The following ANK2 variants were observed in gnomAD, a reference collection of about 807,000 sequenced individuals.
The protein encoded by ANK2 is ankyrin-2.
In ANK2, 83 loss-of-function variants were observed where a neutral mutation model predicts 360.5. The observed-to-expected ratio is 0.23, with a 90% CI of 0.19 to 0.28. The LOEUF (loss-of-function observed/expected upper bound fraction) is 0.28, where lower values mean the gene tolerates loss of function less well. Among genes scored for constraint, ANK2 ranks in the 10% least tolerant of loss-of-function variants. The pLI is 1.00. For synonymous variants in ANK2, 1,740 were observed against 1,759.5 expected (o/e 0.99, Z 0.28); for missense variants, 4,201 against 4,795.7 (o/e 0.88, Z 3.66).
At chr4:112,818,923 A>G (rs901406889) in intron 1 of ANK2, among the ~76,000 whole-genome samples, 5 of 152,180 alleles carry the variant, frequency 3.3e-5, no homozygotes, top group Non-Finnish European at 7.3e-5. Context: ...TCCTGCATCG[A>G]AAGCCCAATT....
intron 1 of ANK2, among the ~76,000 whole-genome samples, chr4:112,885,392 G>A (rs1376117577): frequency 2.6e-5 from 4 of 151,950 alleles, no homozygotes; most frequent in South Asian, 4.2e-4. Flanking sequence ...CCAGTTACTC[G>A]GGAGGCTGAG....
chr4:113,123,602 G>T (rs2095497002), intron 1 of ANK2, among the ~76,000 whole-genome samples: 1 of 152,098 alleles, frequency 6.6e-6, no homozygotes, highest in Non-Finnish European at 1.5e-5. Context: ...TGACCCTTTT[G>T]CTCCAAAGGT....
chr4:113,246,316 A>G (rs2042854602), intron 9 of ANK2, among the ~76,000 whole-genome samples: 1 of 152,146 alleles, frequency 6.6e-6, no homozygotes, highest in South Asian at 2.1e-4. Context: ...AGAAACAAAT[A>G]TTACCCACAG....
At chr4:112,888,907 C>T (rs1007433803) in intron 1 of ANK2, among the ~76,000 whole-genome samples, 24 of 152,074 alleles carry the variant, frequency 1.6e-4, no homozygotes, top group African/African-American at 2.2e-4. Flanking sequence ...AATGCTGACC[C>T]GAGTACACAG....
At chr4:112,839,510 A>G (rs1282875935) in intron 1 of ANK2, among the ~76,000 whole-genome samples, 1 of 152,228 alleles carries the variant, frequency 6.6e-6, no homozygotes, top group Non-Finnish European at 1.5e-5. Flanking sequence ...AGTAGATGAT[A>G]CCAAATATTT....
At chr4:112,968,763 G>A (rs950165880) in intron 2 of ANK2, among the ~76,000 whole-genome samples, 1 of 152,072 alleles carries the variant, frequency 6.6e-6, no homozygotes, top group South Asian at 2.1e-4. Flanking sequence ...ACTTAGCATA[G>A]GGTTAAATCA....
At chr4:113,339,153 C>T in intron 31 of ANK2, 73 bp from the exon 32 acceptor site, 5 of 1,309,218 alleles carry the variant, frequency 3.8e-6, no homozygotes, top group Non-Finnish European at 5.5e-6. Flanking sequence ...GAACACAGAA[C>T]CACAAAGACT....
At chr4:112,848,843 C>T (rs953731666) in intron 1 of ANK2, among the ~76,000 whole-genome samples, 4 of 152,070 alleles carry the variant, frequency 2.6e-5, no homozygotes, top group African/African-American at 9.7e-5. Context: ...AAAGGTCAAC[C>T]CATTTCCTTG....
rs1373984735 is a variant in ANK2 at position 113,014,902 on chromosome 4, A to AGGC, written c.21+110389_21+110391dup. On this transcript the variant is annotated intron_variant, in intron 2 of 30. Transcript: ENST00000503271. The stretch of plus-strand genomic sequence containing the variant: ...GAGACGGAGTCTCGCTCTGTCACCC[A>AGGC]GGCTGGAGTGCAGTGGCGCGATCTC... Among the ~76,000 whole-genome samples, 3 of 114,644 alleles carry AGGC rather than the reference A, an allele frequency of 2.6e-5. No homozygotes were observed. In the East Asian group the frequency reaches 9.0e-4, roughly 34 times the overall value. The allele number at this position is 114,644 out of a possible 152,430, so 75.2% of individuals were successfully genotyped here.
In ANK2 at chr4:113,021,539, A is replaced by ACACACACACACACACAC. The variant is rs34948422; in HGVS notation, c.21+117025_21+117026insCACACACACACACACAC. ...ATATACACACACACACCCACACACAAACATATATATATATATATATATATA... is the reference window on the plus strand; with the variant it reads ...ATATACACACACACACCCACACACAACACACACACACACACACACATATATATATATATATATATATA... On this transcript the variant is annotated intron_variant, in intron 2 of 30. Coordinates refer to the ANK2 transcript ENST00000503271. Among the ~76,000 whole-genome samples the ACACACACACACACACAC allele has an allele frequency of 1.0e-4, 11 of 108,710 alleles. 1 individual carries two copies. Among genetic ancestry groups the ACACACACACACACACAC allele is most frequent in the Non-Finnish European group, 1.9e-4 (10 of 52,702 alleles). 71.3% of individuals were successfully genotyped at this position (108,710 alleles called of 152,430 possible). A position where few individuals can be genotyped will look rare whatever the true frequency, so the allele number is the denominator to read the frequency against.
intron 18 of ANK2, among the ~76,000 whole-genome samples, chr4:113,286,661 G>GT (rs1253413980): frequency 1.3e-5 from 2 of 152,146 alleles, no homozygotes; most frequent in African/African-American, 4.8e-5. Flanking sequence ...CAGAGCCCAG[G>GT]TAGCCACCTC....
At chr4:113,228,640 A>G (rs753424716) in intron 4 of ANK2, among the ~76,000 whole-genome samples, 3 of 151,992 alleles carry the variant, frequency 2.0e-5, no homozygotes, top group Non-Finnish European at 2.9e-5. Flanking sequence ...TTGTGCTGCT[A>G]TAAACACGTG....
At chr4:113,047,475 A>G (rs1331357413), upstream of ANK2, among the ~76,000 whole-genome samples, 3 of 152,168 alleles carry the variant, frequency 2.0e-5, no homozygotes, top group African/African-American at 7.2e-5. Context: ...TTTATCGAGT[A>G]ACTGAATGTG....
intron 14 of ANK2, among the ~76,000 whole-genome samples, chr4:113,267,976 A>G (rs1399592647): frequency 6.6e-6 from 1 of 152,068 alleles, no homozygotes; most frequent in Non-Finnish European, 1.5e-5. Context: ...ATCCCTTGTA[A>G]GTTGTATTCC....
At chr4:113,375,759 G>A (rs1049131160) in intron 45 of ANK2, among the ~76,000 whole-genome samples, 8 of 151,578 alleles carry the variant, frequency 5.3e-5, no homozygotes, top group Non-Finnish European at 1.0e-4. Context: ...AAAGAAAATG[G>A]GTCCACAGTA....
At chr4:112,767,047 ATATT>A in the ANK2 span, among the ~76,000 whole-genome samples, 1 of 152,242 alleles carries the variant, frequency 6.6e-6, no homozygotes, top group Non-Finnish European at 1.5e-5. Flanking sequence ...TATTGCTCAT[ATATT>A]TTGAATATCT....
chr4:113,349,972 G>T (rs116562301), intron 36 of ANK2, among the ~76,000 whole-genome samples: 41 of 151,902 alleles, frequency 2.7e-4, no homozygotes, highest in African/African-American at 9.7e-4. Flanking sequence ...AACCAGCCTG[G>T]GTCATATCTT....
At chr4:112,755,435 C>T in the ANK2 span, among the ~76,000 whole-genome samples, 2 of 151,962 alleles carry the variant, frequency 1.3e-5, no homozygotes, top group African/African-American at 4.8e-5. Flanking sequence ...AGGCTGAGTC[C>T]GAAAAAGGAG....
At chr4:113,313,966 C>T (rs2081459309) in intron 24 of ANK2, among the ~76,000 whole-genome samples, 2 of 152,148 alleles carry the variant, frequency 1.3e-5, no homozygotes, top group Non-Finnish European at 2.9e-5. Context: ...TTTGTTTCAA[C>T]AATCACTGCT....
Sources: gnomAD v4.1 joint callset for allele counts (sites outside exome capture counted in the v4.1 genomes callset) on GRCh38, gnomAD v4.1.1 for gene constraint, MANE v1.5 for transcripts, NCBI Gene and HGNC (gene_info 2026-07-23, HGNC 2026-07-21) for gene names.